PACRGL: variants seen among roughly 807,000 people sequenced by gnomAD.
The protein encoded by PACRGL is parkin coregulated like, also known as PACRG-like protein.
In PACRGL, 38 loss-of-function variants were observed where a neutral mutation model predicts 34.5. The observed-to-expected ratio is 1.10, with a 90% CI of 0.85 to 1.44. The LOEUF is 1.44. PACRGL is among the 40% of genes most tolerant of loss of function. The pLI is 0.00. For synonymous variants in PACRGL, 128 were observed against 100.1 expected (o/e 1.28, Z -1.66); for missense variants, 305 against 281.4 (o/e 1.08, Z -0.60).
At chr4:20,759,219 G>A in the PACRGL span, among the ~76,000 whole-genome samples, 11 of 152,140 alleles carry the variant, frequency 7.2e-5, no homozygotes, top group Non-Finnish European at 2.9e-5. Flanking sequence ...CAAGCATGTT[G>A]CAAGATGTTT....
chr4:20,725,535 A>G (rs1320451563), intron 8 of PACRGL, among the ~76,000 whole-genome samples: 2 of 152,190 alleles, frequency 1.3e-5, no homozygotes, highest in Non-Finnish European at 2.9e-5. Context: ...CTCGTCTTAG[A>G]AATATTTCCA....
downstream of PACRGL, chr4:20,734,620 T>G: frequency 1.6e-6 from 2 of 1,273,122 alleles, no homozygotes; most frequent in Non-Finnish European, 1.1e-6. Flanking sequence ...TGGTGAGGCA[T>G]CCCTTACCTC....
chr4:20,744,617 A>G (rs1316387013), intron 8 of PACRGL, among the ~76,000 whole-genome samples: 10 of 147,824 alleles, frequency 6.8e-5, no homozygotes, highest in Non-Finnish European at 1.3e-4. Flanking sequence ...GGGCCTGATG[A>G]GGGGTCAGGG....
At chr4:20,702,120 A>G in intron 1 of PACRGL, 1 of 454,628 alleles carries the variant, frequency 2.2e-6, no homozygotes, top group Non-Finnish European at 4.4e-6. Context: ...TTCAAAATAT[A>G]ATGCAACACC....
chr4:20,751,118 C>T (rs988595246), intron 8 of PACRGL, among the ~76,000 whole-genome samples: 1 of 152,124 alleles, frequency 6.6e-6, no homozygotes, highest in African/African-American at 2.4e-5. Context: ...GTAGACTGTA[C>T]ACTCAATTTC....
At chr4:20,698,259 CT>C (rs1339314019), upstream of PACRGL, among the ~76,000 whole-genome samples, 5 of 152,102 alleles carry the variant, frequency 3.3e-5, no homozygotes, top group Non-Finnish European at 7.4e-5. Flanking sequence ...CATATTCTGT[CT>C]TTTCAGAATC....
At chr4:20,697,597 C>G (rs1377620349), upstream of PACRGL, among the ~76,000 whole-genome samples, 3 of 152,074 alleles carry the variant, frequency 2.0e-5, no homozygotes, top group East Asian at 5.8e-4. Context: ...AGATTTTGTG[C>G]CTAGAACTGA....
chr4:20,699,983 A>C (rs912210462), upstream of PACRGL, among the ~76,000 whole-genome samples: 2 of 152,196 alleles, frequency 1.3e-5, no homozygotes, highest in African/African-American at 4.8e-5. Context: ...AGCTAGGCTT[A>C]TGATTTAGCC....
At chr4:20,711,576 G>A (rs1737215631) in intron 5 of PACRGL, among the ~76,000 whole-genome samples, 1 of 151,434 alleles carries the variant, frequency 6.6e-6, no homozygotes, top group African/African-American at 2.4e-5. Context: ...AGATATTTAG[G>A]TCTGAAGGAC....
At chr4:20,749,589 C>T (rs1347252549) in intron 8 of PACRGL, 3 of 1,077,274 alleles carry the variant, frequency 2.8e-6, no homozygotes, top group Non-Finnish European at 4.1e-6. Flanking sequence ...TAATCATCAC[C>T]AAACTCACAT....
intron 7 of PACRGL, among the ~76,000 whole-genome samples, chr4:20,720,833 G>A (rs1254728463): frequency 6.6e-6 from 1 of 152,002 alleles, no homozygotes; most frequent in Non-Finnish European, 1.5e-5. Context: ...AAGTATCTTG[G>A]TGGCATTCTC....
At chr4:20,746,430 G>A (rs1302481562) in intron 8 of PACRGL, among the ~76,000 whole-genome samples, 1 of 151,960 alleles carries the variant, frequency 6.6e-6, no homozygotes, top group Non-Finnish European at 1.5e-5. Flanking sequence ...TAGGTGATGA[G>A]TTGATGGGTG....
At chr4:20,758,698 TG>T in the PACRGL span, 1 of 738,406 alleles carries the variant, frequency 1.4e-6, no homozygotes, top group South Asian at 1.8e-5. Flanking sequence ...ACTTGCATGC[TG>T]TGCATTAATT....
chr4:20,756,358 G>T (rs73802311), downstream of PACRGL, among the ~76,000 whole-genome samples: 1 of 151,968 alleles, frequency 6.6e-6, no homozygotes, highest in Non-Finnish European at 1.5e-5. Flanking sequence ...CTATCCCATC[G>T]CATCACTATC....
chr4:20,744,732 C>T (rs1476337585), intron 8 of PACRGL, among the ~76,000 whole-genome samples: 1 of 152,020 alleles, frequency 6.6e-6, no homozygotes, highest in Non-Finnish European at 1.5e-5. Flanking sequence ...CAAACCTGCA[C>T]ATTTTGCACA....
intron 3 of PACRGL, among the ~76,000 whole-genome samples, chr4:20,706,880 G>A (rs1002776822): frequency 6.6e-6 from 1 of 152,014 alleles, no homozygotes; most frequent in African/African-American, 2.4e-5. Context: ...GGCCAGATAT[G>A]AATCTTTTAT....
At chr4:20,754,629 G>A (rs896194964), downstream of PACRGL, among the ~76,000 whole-genome samples, 1 of 152,022 alleles carries the variant, frequency 6.6e-6, no homozygotes, top group Admixed American at 6.6e-5. Flanking sequence ...GCCTCATGTG[G>A]TCAGATTTCT....
the PACRGL span, among the ~76,000 whole-genome samples, chr4:20,761,982 G>T: frequency 6.6e-6 from 1 of 152,130 alleles, no homozygotes; most frequent in Non-Finnish European, 1.5e-5. Context: ...CCAGTCAAAG[G>T]TCTTCCCATC....
intron 7 of PACRGL, chr4:20,718,909 A>C (rs4577580): frequency 0.51 from 77,329 of 152,018 alleles, 20,287 homozygotes; most frequent in African/African-American, 0.62. Context: ...AGAATGGTAC[A>C]AGCTCCTCCT....
Sources: allele counts gnomAD v4.1 joint callset (sites outside exome capture counted in the v4.1 genomes callset), GRCh38; gene constraint gnomAD v4.1.1; transcripts MANE v1.5; gene names NCBI Gene and HGNC (gene_info 2026-07-23, HGNC 2026-07-21).